Variants in RAPGEF6 observed in about 807,000 individuals in gnomAD.
RAPGEF6 encodes PDZ domain containing guanine nucleotide exchange factor (GEF) 2.
RAPGEF6 carries 56 observed loss-of-function variants against 171.4 expected under a neutral mutation model. The observed-to-expected ratio is 0.33, with a 90% CI of 0.26 to 0.41. The LOEUF (loss-of-function observed/expected upper bound fraction) is 0.41, where lower values mean the gene tolerates loss of function less well. RAPGEF6 is among the 10% of genes least tolerant of loss of function. RAPGEF6 has a pLI of 1.00. For missense variants in RAPGEF6, 1,674 were observed against 1,921.4 expected (o/e 0.87, Z 2.41); for synonymous variants, 692 against 650.1 (o/e 1.06, Z -0.98).
chr5:131,475,876 C>T (rs1755055592), intron 16 of RAPGEF6, among the ~76,000 whole-genome samples: 1 of 152,158 alleles, frequency 6.6e-6, no homozygotes, highest in African/African-American at 2.4e-5. Context: ...TCTTACAGAA[C>T]TGAGTGCTGC....
rs1319461746 is a variant in RAPGEF6, at chr5:131,635,185, C to T, written c.-155G>A. On this transcript the variant is annotated 5_prime_UTR_variant, in exon 1 of 28. Transcript: ENST00000509018. ...TCTAGCAAACAACCCTTCGCAACGC[C>T]CGCCTAAGGCCTCTACCCACGCGCG... 7 of 732,528 alleles carry T rather than the reference C, an allele frequency of 9.6e-6. No individual in the cohort carries two copies. The highest frequency in any genetic ancestry group is 3.1e-5 in the Admixed American group (1 of 32,528). 45.4% of individuals were successfully genotyped at this position (732,528 alleles called of 1,614,324 possible).
intron 1 of RAPGEF6, among the ~76,000 whole-genome samples, chr5:131,610,801 C>T (rs568789516): frequency 8.1e-4 from 123 of 152,250 alleles, no homozygotes; most frequent in African/African-American, 2.8e-3. Flanking sequence ...CATGGAGGAG[C>T]TGCTCCCTGA....
intron 6 of RAPGEF6, among the ~76,000 whole-genome samples, chr5:131,527,795 C>G (rs1415882307): frequency 6.6e-6 from 1 of 151,784 alleles, no homozygotes; most frequent in Non-Finnish European, 1.5e-5. Context: ...GCGGGCGGAT[C>G]ACAAGGTCAG....
At chr5:131,451,811 G>A (rs537421574) in intron 21 of RAPGEF6, among the ~76,000 whole-genome samples, 1 of 152,182 alleles carries the variant, frequency 6.6e-6, no homozygotes, top group African/African-American at 2.4e-5. Flanking sequence ...TAGAAATTGT[G>A]TCGGCCCCTG....
chr5:131,454,330 T>C (rs1015344087), intron 20 of RAPGEF6, among the ~76,000 whole-genome samples: 7 of 152,210 alleles, frequency 4.6e-5, no homozygotes, highest in East Asian at 1.9e-4. Flanking sequence ...TCTGGAGATA[T>C]GGAACATCAT....
intron 6 of RAPGEF6, among the ~76,000 whole-genome samples, chr5:131,527,379 C>T (rs1758946324): frequency 6.6e-6 from 1 of 152,044 alleles, no homozygotes; most frequent in Non-Finnish European, 1.5e-5. Flanking sequence ...ATACCTTTTC[C>T]CCATCAAATT....
intron 12 of RAPGEF6, 122 bp from the exon 13 acceptor site, chr5:131,495,782 T>G: frequency 1.5e-6 from 2 of 1,365,728 alleles, no homozygotes; most frequent in Non-Finnish European, 1.9e-6. Flanking sequence ...CTCCCTTGTG[T>G]AAAAAAGGCT....
intron 4 of RAPGEF6, among the ~76,000 whole-genome samples, chr5:131,591,244 A>G (rs1763568698): frequency 6.6e-6 from 1 of 152,148 alleles, no homozygotes; most frequent in African/African-American, 2.4e-5. Context: ...ACATTTTGGG[A>G]AAAAAGTCAC....
Position 131,427,062 on chromosome 5 carries a change from T to C in RAPGEF6, c.*204A>G, listed in dbSNP as rs573034370. ...GACTGGTATCCAGGCATAGCATCCA[T>C]TGCTCAGGAAACTATTTATCTGCAG... On this transcript the variant is annotated 3_prime_UTR_variant, in exon 28 of 28. Coordinates refer to ENST00000509018, the MANE Select transcript of RAPGEF6 (RefSeq NM_016340.6). 4.3e-5 allele frequency: 26 copies of C among 607,116 alleles called. No individual in the cohort carries two copies. Among genetic ancestry groups the C allele is most frequent in the Admixed American group, 3.6e-4 (11 of 30,944 alleles). The allele number at this position is 607,116 out of a possible 1,614,324, so 37.6% of individuals were successfully genotyped here. A position where few individuals can be genotyped will look rare whatever the true frequency, so the allele number is the denominator to read the frequency against.
intron 6 of RAPGEF6, among the ~76,000 whole-genome samples, chr5:131,524,366 T>C (rs1329839661): frequency 1.3e-5 from 2 of 152,194 alleles, no homozygotes; most frequent in African/African-American, 4.8e-5. Context: ...CCTTGCACTG[T>C]CCATGAAGCT....
Position 131,427,215 on chromosome 5 carries a change from T to C in RAPGEF6, c.*51A>G. On this transcript the variant is annotated 3_prime_UTR_variant, in exon 28 of 28. Transcript: ENST00000509018. The stretch of plus-strand genomic sequence containing the variant: ...GGCCTGCAGAATCATGAGGTGGTTC[T>C]TGCCCATTCCTCCACGACTTTCAGT... 2 of 1,547,210 alleles carry C rather than the reference T, an allele frequency of 1.3e-6. No individual in the cohort carries two copies. Among genetic ancestry groups the C allele is most frequent in the Non-Finnish European group, 1.8e-6 (2 of 1,119,238 alleles).
rs1751335364 is a variant in RAPGEF6, at chr5:131,425,042, T to A, written c.*2224A>T. The A allele has an allele frequency of 2.6e-5, 4 of 152,352 alleles. No homozygotes were observed. Among genetic ancestry groups the A allele is most frequent in the Admixed American group, 2.6e-4 (4 of 15,282 alleles). The allele number at this position is 152,352 out of a possible 1,614,324, so 9.4% of individuals were successfully genotyped here. On this transcript the variant is annotated 3_prime_UTR_variant, in exon 28 of 28. Transcript: ENST00000509018. ...CAAAACCTCATGATTTTTTAAGGGATACATACATAACAAACTACAAAGCAT... is the reference window on the plus strand; with the variant it reads ...CAAAACCTCATGATTTTTTAAGGGAAACATACATAACAAACTACAAAGCAT...
chr5:131,623,477 C>CTTTTTTTTTTT (rs763921579), intron 1 of RAPGEF6, among the ~76,000 whole-genome samples: 1 of 114,184 alleles, frequency 8.8e-6, no homozygotes, highest in African/African-American at 3.4e-5. Flanking sequence ...TTTCACATTG[C>CTTTTTTTTTTT]TTTTTTTTTT....
chr5:131,577,390 G>C (rs1157975137), intron 4 of RAPGEF6, among the ~76,000 whole-genome samples: 6 of 152,160 alleles, frequency 3.9e-5, no homozygotes, highest in African/African-American at 1.2e-4. Context: ...CTTAGAATTA[G>C]AGCCTGTCCT....
intron 15 of RAPGEF6, among the ~76,000 whole-genome samples, chr5:131,484,039 C>T (rs1196110931): frequency 4.3e-5 from 6 of 138,484 alleles, no homozygotes; most frequent in South Asian, 4.9e-4. Context: ...GAGCTTGCAG[C>T]GAGTGGAGAT....
intron 7 of RAPGEF6, among the ~76,000 whole-genome samples, chr5:131,512,807 G>C (rs1374773638): frequency 6.6e-6 from 1 of 152,118 alleles, no homozygotes; most frequent in Non-Finnish European, 1.5e-5. Context: ...AGAAGCCTGA[G>C]GGAGCTCATT....
At chr5:131,469,391 A>T (rs1428052010) in intron 17 of RAPGEF6, among the ~76,000 whole-genome samples, 1 of 152,162 alleles carries the variant, frequency 6.6e-6, no homozygotes, top group Non-Finnish European at 1.5e-5. Flanking sequence ...TGAAGAAAAA[A>T]TTAAGTTTAC....
At chr5:131,526,108 T>C (rs1758856106) in intron 6 of RAPGEF6, among the ~76,000 whole-genome samples, 1 of 152,120 alleles carries the variant, frequency 6.6e-6, no homozygotes, top group Non-Finnish European at 1.5e-5. Flanking sequence ...AATGAAAACA[T>C]ATGGGCCCTG....
chr5:131,528,553 T>A (rs1013316853), intron 6 of RAPGEF6, among the ~76,000 whole-genome samples: 2 of 151,730 alleles, frequency 1.3e-5, no homozygotes, highest in East Asian at 3.9e-4. Context: ...CTAAATGATG[T>A]AACTAATAAG....
Sources: gnomAD v4.1 joint callset for allele counts (sites outside exome capture counted in the v4.1 genomes callset) on GRCh38, gnomAD v4.1.1 for gene constraint, MANE v1.5 for transcripts, NCBI Gene and HGNC (gene_info 2026-07-23, HGNC 2026-07-21) for gene names.